The following LHFPL3 variants were observed in gnomAD, a reference collection of about 807,000 sequenced individuals.
The protein encoded by LHFPL3 is LHFPL tetraspan subfamily member 3 protein.
Under a neutral mutation model 19.3 loss-of-function variants are expected in LHFPL3, and 5 were observed. The observed-to-expected ratio is 0.26, with a 90% CI of 0.14 to 0.54. The LOEUF (loss-of-function observed/expected upper bound fraction) is 0.54. LHFPL3 is among the 20% of genes least tolerant of loss of function. The pLI is 0.94. For synonymous variants in LHFPL3, 133 were observed against 126.2 expected (o/e 1.05, Z -0.36); for missense variants, 249 against 307.4 (o/e 0.81, Z 1.42).
chr7:104,473,231 C>G (rs910879078), intron 1 of LHFPL3, among the ~76,000 whole-genome samples: 10 of 152,190 alleles, frequency 6.6e-5, no homozygotes, highest in Non-Finnish European at 1.5e-4. Context: ...AATTTTACAA[C>G]CTGTTAAAAT....
intron 2 of LHFPL3, among the ~76,000 whole-genome samples, chr7:104,822,979 T>A (rs74974817): frequency 6.6e-6 from 1 of 152,068 alleles, no homozygotes; most frequent in East Asian, 1.9e-4. Flanking sequence ...CCAAAGTACC[T>A]TGGGGTCCCA....
At chr7:104,737,100 A>T (rs1793841079) in intron 2 of LHFPL3, among the ~76,000 whole-genome samples, 189 bp downstream of exon 2, 1 of 152,056 alleles carries the variant, frequency 6.6e-6, no homozygotes, top group South Asian at 2.1e-4. Flanking sequence ...ATATAATATT[A>T]TACTTACTTA....
At chr7:104,587,371 T>G (rs1320674944) in intron 1 of LHFPL3, among the ~76,000 whole-genome samples, 1 of 152,196 alleles carries the variant, frequency 6.6e-6, no homozygotes, top group Non-Finnish European at 1.5e-5. Context: ...CATGCAGTGT[T>G]TGGTTTTCTG....
chr7:104,617,866 A>C (rs12705241), intron 1 of LHFPL3, among the ~76,000 whole-genome samples: 33,543 of 152,230 alleles, frequency 0.22, 4,529 homozygotes, highest in Non-Finnish European at 0.3. Flanking sequence ...CGCTATATAA[A>C]GTATAATGCT....
intron 1 of LHFPL3, among the ~76,000 whole-genome samples, chr7:104,414,084 C>A (rs1281512170): frequency 6.7e-6 from 1 of 149,650 alleles, no homozygotes; most frequent in Non-Finnish European, 1.5e-5. Context: ...CTGTATTCCT[C>A]ATTATTTCAG....
At chr7:104,474,763 T>G (rs1457150288) in intron 1 of LHFPL3, among the ~76,000 whole-genome samples, 1 of 148,912 alleles carries the variant, frequency 6.7e-6, no homozygotes, top group African/African-American at 2.5e-5. Flanking sequence ...ATGTAGATAG[T>G]AGAATGAAAT....
chr7:104,775,593 T>A (rs1474690724), intron 2 of LHFPL3, among the ~76,000 whole-genome samples: 4 of 152,148 alleles, frequency 2.6e-5, no homozygotes, highest in Admixed American at 2.6e-4. Flanking sequence ...ATAGAGAATA[T>A]GGAAATCATT....
chr7:104,497,541 C>G (rs10238525), intron 1 of LHFPL3, among the ~76,000 whole-genome samples: 1 of 151,540 alleles, frequency 6.6e-6, no homozygotes, highest in Non-Finnish European at 1.5e-5. Context: ...TAAACAGCCT[C>G]TGATATGCAT....
intron 1 of LHFPL3, among the ~76,000 whole-genome samples, chr7:104,414,045 T>C (rs1020095853): frequency 9.2e-5 from 14 of 152,110 alleles, no homozygotes; most frequent in Non-Finnish European, 1.8e-4. Flanking sequence ...TATTTAATGT[T>C]AATCCCTTTA....
intron 1 of LHFPL3, among the ~76,000 whole-genome samples, chr7:104,552,162 C>T (rs1584396282): frequency 6.6e-6 from 1 of 152,176 alleles, no homozygotes; most frequent in African/African-American, 2.4e-5. Flanking sequence ...AGCCACTGGG[C>T]TTAAAGGAGT....
rs186070415 is a variant in LHFPL3, at chr7:104,606,061, A to T, written c.446-130614A>T. Among the ~76,000 whole-genome samples the T allele has an allele frequency of 4.4e-3, 667 of 152,220 alleles. 25 individuals are homozygous for T. Among genetic ancestry groups the T allele is most frequent in the Admixed American group, 0.04 (609 of 15,278 alleles). ...TTATTTTTGGAAACAGGGTCTCATTATGTTGCCCAGGCTAGTCTTGAACTC... is the reference window on the plus strand; with the variant it reads ...TTATTTTTGGAAACAGGGTCTCATTTTGTTGCCCAGGCTAGTCTTGAACTC... On this transcript the variant is annotated intron_variant, in intron 1 of 2. Coordinates refer to ENST00000424859, the MANE Select transcript of LHFPL3 (RefSeq NM_199000.3).
At chr7:104,866,069 A>C (rs1791714660) in intron 2 of LHFPL3, among the ~76,000 whole-genome samples, 1 of 152,198 alleles carries the variant, frequency 6.6e-6, no homozygotes, top group Non-Finnish European at 1.5e-5. Context: ...AGAGCTCCTG[A>C]AGGAAGCACT....
chr7:104,557,477 G>A lies in LHFPL3; in HGVS notation c.446-179198G>A, dbSNP rs937710744. Among the ~76,000 whole-genome samples, 24 of 152,022 alleles carry A rather than the reference G, an allele frequency of 1.6e-4. 1 individual carries two copies. The highest frequency in any genetic ancestry group is 3.4e-3 in the Middle Eastern group (1 of 294). On this transcript the variant is annotated intron_variant, in intron 1 of 2. Coordinates refer to ENST00000424859, the MANE Select transcript of LHFPL3 (RefSeq NM_199000.3). ...ACTATCATGAGAACATGAGAACAGC[G>A]CAGGAAAGACCCACCCACATAATTC...
At chr7:104,362,581 A>G (rs1584267470) in intron 1 of LHFPL3, among the ~76,000 whole-genome samples, 1 of 152,298 alleles carries the variant, frequency 6.6e-6, no homozygotes. Flanking sequence ...CCTCAATGCT[A>G]TGTAAGGATG....
At chr7:104,821,126 A>C (rs1371177888) in intron 2 of LHFPL3, among the ~76,000 whole-genome samples, 1 of 152,244 alleles carries the variant, frequency 6.6e-6, no homozygotes, top group Non-Finnish European at 1.5e-5. Flanking sequence ...GCTTTTAAAA[A>C]AAATGTCGTT....
chr7:104,407,527 A>G (rs950178165), intron 1 of LHFPL3, among the ~76,000 whole-genome samples: 1 of 152,138 alleles, frequency 6.6e-6, no homozygotes, highest in African/African-American at 2.4e-5. Flanking sequence ...ATGGTGGTGC[A>G]TGCATGTAGT....
At chr7:104,736,526 CAT>C in intron 1 of LHFPL3, 147 bp from the exon 2 acceptor site, 1 of 631,414 alleles carries the variant, frequency 1.6e-6, no homozygotes, top group South Asian at 1.9e-5. Context: ...CACACACACA[CAT>C]TCAGAGTGAC....
chr7:104,590,406 G>T (rs538645468), intron 1 of LHFPL3, among the ~76,000 whole-genome samples: 1 of 152,008 alleles, frequency 6.6e-6, no homozygotes, highest in Admixed American at 6.6e-5. Context: ...GTTCAGTTTC[G>T]ATGTAGTTGA....
At chr7:104,590,496 G>A (rs749848073) in intron 1 of LHFPL3, among the ~76,000 whole-genome samples, 3 of 152,134 alleles carry the variant, frequency 2.0e-5, no homozygotes, top group Non-Finnish European at 2.9e-5. Context: ...TATAATTTCT[G>A]TTCTTTTACA....
Sources: gnomAD v4.1 joint callset for allele counts (sites outside exome capture counted in the v4.1 genomes callset) on GRCh38, gnomAD v4.1.1 for gene constraint, MANE v1.5 for transcripts, NCBI Gene and HGNC (gene_info 2026-07-23, HGNC 2026-07-21) for gene names.